MACROD2: variants seen among roughly 807,000 people sequenced by gnomAD.
The protein encoded by MACROD2 is mono-ADP ribosylhydrolase 2, also known as ADP-ribose glycohydrolase MACROD2.
Under a neutral mutation model 70.4 loss-of-function variants are expected in MACROD2, and 36 were observed. The ratio of observed to expected loss-of-function variants is 0.51; its 90% CI spans 0.39 to 0.68. MACROD2 has a LOEUF of 0.68. Among genes scored for constraint, MACROD2 ranks in the 30% least tolerant of loss-of-function variants. The pLI is 0.00. For synonymous variants in MACROD2, 172 were observed against 178.8 expected (o/e 0.96, Z 0.30); for missense variants, 496 against 538.4 (o/e 0.92, Z 0.78).
chr20:15,466,331 A>G (rs946275981), intron 7 of MACROD2, among the ~76,000 whole-genome samples: 4 of 152,346 alleles, frequency 2.6e-5, no homozygotes, highest in Non-Finnish European at 5.9e-5. Flanking sequence ...AGCCCTGAGG[A>G]TATATTAATT....
At chr20:15,366,800 A>G (rs1042569660) in intron 6 of MACROD2, among the ~76,000 whole-genome samples, 33 of 151,364 alleles carry the variant, frequency 2.2e-4, no homozygotes, top group African/African-American at 7.8e-4. Context: ...GGTTCAAACA[A>G]TCCTCCAGCC....
intron 8 of MACROD2, among the ~76,000 whole-genome samples, chr20:15,651,524 T>C (rs1171191406): frequency 6.6e-6 from 1 of 152,188 alleles, no homozygotes; most frequent in East Asian, 1.9e-4. Context: ...GTGGGTTTTA[T>C]GCTTTTAATC....
chr20:15,713,182 G>A (rs2050653606), intron 8 of MACROD2, among the ~76,000 whole-genome samples: 1 of 152,186 alleles, frequency 6.6e-6, no homozygotes, highest in African/African-American at 2.4e-5. Flanking sequence ...AATACCAATG[G>A]CAGCAGAGGA....
chr20:15,887,811 C>T (rs1488054600), intron 10 of MACROD2, among the ~76,000 whole-genome samples: 2 of 152,124 alleles, frequency 1.3e-5, no homozygotes, highest in African/African-American at 4.8e-5. Context: ...ATTATCATTT[C>T]AATGTATAAT....
intron 5 of MACROD2, among the ~76,000 whole-genome samples, chr20:15,074,514 C>A (rs1943036236): frequency 6.6e-6 from 1 of 152,052 alleles, no homozygotes; most frequent in African/African-American, 2.4e-5. Context: ...GTGGGAACCT[C>A]GATTTAGAGC....
intron 5 of MACROD2, among the ~76,000 whole-genome samples, chr20:15,134,774 C>T (rs910218010): frequency 3.9e-5 from 6 of 152,098 alleles, no homozygotes; most frequent in Admixed American, 6.5e-5. Context: ...TTAATGAATC[C>T]AGTTGCTGGT....
chr20:14,464,444 G>A (rs2084413365), intron 3 of MACROD2, among the ~76,000 whole-genome samples: 1 of 151,810 alleles, frequency 6.6e-6, no homozygotes, highest in Non-Finnish European at 1.5e-5. Flanking sequence ...TATGAGTCTT[G>A]CTAGCGGTCT....
intron 5 of MACROD2, among the ~76,000 whole-genome samples, chr20:14,779,592 C>T (rs751919721): frequency 1.3e-5 from 2 of 152,060 alleles, no homozygotes; most frequent in Non-Finnish European, 2.9e-5. Flanking sequence ...TTGTATTGTA[C>T]ACTTAACCCA....
intron 4 of MACROD2, among the ~76,000 whole-genome samples, chr20:14,503,679 C>T (rs1201665112): frequency 6.6e-6 from 1 of 152,206 alleles, no homozygotes; most frequent in Non-Finnish European, 1.5e-5. Flanking sequence ...AAAAAGCTCT[C>T]AGAAATAGCC....
chr20:14,602,306 G>A (rs1982550662), intron 4 of MACROD2, among the ~76,000 whole-genome samples: 2 of 152,180 alleles, frequency 1.3e-5, no homozygotes, highest in Non-Finnish European at 2.9e-5. Flanking sequence ...GCACATGCAG[G>A]CCCTTAGTCT....
chr20:14,048,650 T>TTGAA (rs2053513453), intron 2 of MACROD2, among the ~76,000 whole-genome samples: 1 of 152,066 alleles, frequency 6.6e-6, no homozygotes, highest in Non-Finnish European at 1.5e-5. Context: ...AATTACATAT[T>TTGAA]TAAATAAATA....
chr20:14,490,395 AT>A, intron 3 of MACROD2, among the ~76,000 whole-genome samples: 1 of 152,232 alleles, frequency 6.6e-6, no homozygotes, highest in East Asian at 1.9e-4. Context: ...GCGTGAAGTT[AT>A]TTTAGGGGGA....
At chr20:14,220,707 C>G (rs2081665030) in intron 3 of MACROD2, among the ~76,000 whole-genome samples, 1 of 152,168 alleles carries the variant, frequency 6.6e-6, no homozygotes, top group South Asian at 2.1e-4. Context: ...TCTGCTGCAT[C>G]CTCTACCCCT....
At chr20:15,856,595 C>G (rs1249968469) in intron 8 of MACROD2, among the ~76,000 whole-genome samples, 1 of 152,134 alleles carries the variant, frequency 6.6e-6, no homozygotes, top group East Asian at 1.9e-4. Context: ...AACATATACT[C>G]TGTGGATATT....
At chr20:15,508,614 C>A (rs2047459084) in intron 8 of MACROD2, among the ~76,000 whole-genome samples, 1 of 152,180 alleles carries the variant, frequency 6.6e-6, no homozygotes, top group East Asian at 1.9e-4. Flanking sequence ...AAGATACTTT[C>A]ATGTTCTACT....
chr20:14,606,203 T>C (rs1488098763), intron 4 of MACROD2, among the ~76,000 whole-genome samples: 4 of 152,178 alleles, frequency 2.6e-5, no homozygotes, highest in Non-Finnish European at 5.9e-5. Flanking sequence ...AGTACAGTAG[T>C]TTGAAAAGTG....
At chr20:15,206,140 T>C (rs2076699837) in intron 5 of MACROD2, among the ~76,000 whole-genome samples, 1 of 152,212 alleles carries the variant, frequency 6.6e-6, no homozygotes, top group South Asian at 2.1e-4. Context: ...TTGGTTCTTT[T>C]TTAAAAAAAC....
intron 8 of MACROD2, among the ~76,000 whole-genome samples, chr20:15,708,025 A>G (rs1331770837): frequency 6.6e-6 from 1 of 151,952 alleles, no homozygotes; most frequent in South Asian, 2.1e-4. Flanking sequence ...CAAGCAGAAG[A>G]AGCAGAAAAT....
intron 5 of MACROD2, among the ~76,000 whole-genome samples, chr20:15,042,499 T>G (rs1473576505): frequency 6.6e-6 from 1 of 152,148 alleles, no homozygotes; most frequent in African/African-American, 2.4e-5. Flanking sequence ...CCCTTATAGT[T>G]TATGACAAGA....
Sources: allele counts gnomAD v4.1 joint callset (sites outside exome capture counted in the v4.1 genomes callset), GRCh38; gene constraint gnomAD v4.1.1; transcripts MANE v1.5; gene names NCBI Gene and HGNC (gene_info 2026-07-23, HGNC 2026-07-21).